Variants in DNAJC6 observed in about 807,000 individuals in gnomAD.
DNAJC6 encodes auxilin.
Under a neutral mutation model 110.0 loss-of-function variants are expected in DNAJC6, and 34 were observed. The ratio of observed to expected loss-of-function variants is 0.31; its 90% CI spans 0.24 to 0.41. The LOEUF is 0.41. Ranked by LOEUF, DNAJC6 falls within the 10% of genes least tolerant of loss-of-function variation. The probability of loss-of-function intolerance (pLI) is 1.00; values close to 1 mark genes in which losing one functional copy is unlikely to be tolerated. For missense variants in DNAJC6, 1,031 were observed against 1,207.8 expected (o/e 0.85, Z 2.17); for synonymous variants, 406 against 437.2 (o/e 0.93, Z 0.89).
chr1:65,339,138 A>G (rs960898101), intron 1 of DNAJC6, among the ~76,000 whole-genome samples: 2 of 152,312 alleles, frequency 1.3e-5, no homozygotes, highest in East Asian at 1.9e-4. Flanking sequence ...TAGAAGCTCA[A>G]TAGATACCTG....
At chr1:65,324,743 C>T (rs1392498575) in intron 1 of DNAJC6, among the ~76,000 whole-genome samples, 1 of 152,206 alleles carries the variant, frequency 6.6e-6, no homozygotes, top group Non-Finnish European at 1.5e-5. Context: ...TCATGCCCTC[C>T]TCCTGGGACA....
intron 1 of DNAJC6, among the ~76,000 whole-genome samples, chr1:65,276,337 T>C (rs1340082468): frequency 6.6e-6 from 1 of 152,252 alleles, no homozygotes; most frequent in Non-Finnish European, 1.5e-5. Context: ...CTTGGTTGTC[T>C]TTCTTCATAT....
chr1:65,411,745 G>T lies in DNAJC6; in HGVS notation c.2811+319G>T, dbSNP rs575452360. On this transcript the variant is annotated intron_variant, in intron 18 of 18. Coordinates refer to ENST00000371069, the MANE Select transcript of DNAJC6 (RefSeq NM_001256864.2). ...GCACTTTGGGGGGGGCAGGGTAGGC[G>T]AATCGCTCGAGCCCTCAAGTTTGAG... 4.6e-5 allele frequency among the ~76,000 whole-genome samples: 7 copies of T among 152,014 alleles called. No individual in the cohort carries two copies. The South Asian group carries it at 1.2e-3, about 27-fold the overall frequency.
At chr1:65,310,619 G>T (rs1232538231) in intron 1 of DNAJC6, among the ~76,000 whole-genome samples, 7 of 152,160 alleles carry the variant, frequency 4.6e-5, no homozygotes, top group Non-Finnish European at 8.8e-5. Context: ...ACCTTTACAT[G>T]TAGGGACAAG....
intron 1 of DNAJC6, among the ~76,000 whole-genome samples, chr1:65,289,404 C>A (rs1483468356): frequency 6.6e-6 from 1 of 152,114 alleles, no homozygotes; most frequent in Non-Finnish European, 1.5e-5. Flanking sequence ...GCCGTGTTGG[C>A]CAAGCTGGTC....
intron 1 of DNAJC6, among the ~76,000 whole-genome samples, chr1:65,343,297 T>C (rs138467118): frequency 6.6e-6 from 1 of 152,308 alleles, no homozygotes; most frequent in East Asian, 1.9e-4. Flanking sequence ...GAAGAGCAGA[T>C]GGAACCACAC....
In DNAJC6 at chr1:65,335,147, C is replaced by T. The variant is rs759055671; in HGVS notation, c.193+25209C>T. ...TTCTTTAAACAGAGTCTCACTCTGT[C>T]GCCAGGCTGGAGTGCAGTGGCACGA... On this transcript the variant is annotated intron_variant, in intron 1 of 18. Transcript: ENST00000371069. 1.0e-4 allele frequency among the ~76,000 whole-genome samples: 15 copies of T among 150,094 alleles called. No homozygotes were observed. The East Asian group carries it at 1.4e-3, about 14-fold the overall frequency.
At chr1:65,298,231 T>C (rs1328947838) in intron 1 of DNAJC6, among the ~76,000 whole-genome samples, 1 of 152,158 alleles carries the variant, frequency 6.6e-6, no homozygotes, top group Non-Finnish European at 1.5e-5. Context: ...TCCATGCTGA[T>C]TTTGAGATCT....
intron 5 of DNAJC6, among the ~76,000 whole-genome samples, chr1:65,379,978 A>C (rs1308505770): frequency 6.6e-6 from 1 of 152,216 alleles, no homozygotes; most frequent in African/African-American, 2.4e-5. Context: ...TCCCAGTGAG[A>C]CTAATGGTTT....
At chr1:65,403,025 TA>T (rs981464335) in intron 15 of DNAJC6, among the ~76,000 whole-genome samples, 1 of 151,802 alleles carries the variant, frequency 6.6e-6, no homozygotes, top group Non-Finnish European at 1.5e-5. Context: ...ACTGTTTTAG[TA>T]AAAAAAATAA....
chr1:65,393,128 C>A (rs1299191711), intron 12 of DNAJC6, among the ~76,000 whole-genome samples: 1 of 152,148 alleles, frequency 6.6e-6, no homozygotes, highest in Admixed American at 6.5e-5. Flanking sequence ...AGCACTTCAA[C>A]CCCTGAGCTG....
intron 1 of DNAJC6, among the ~76,000 whole-genome samples, chr1:65,274,873 A>C (rs568205700): frequency 6.6e-6 from 1 of 152,100 alleles, no homozygotes; most frequent in Non-Finnish European, 1.5e-5. Context: ...TATTCTTTAC[A>C]CATTTGTTTT....
At chr1:65,364,273 A>G (rs768276774) in intron 1 of DNAJC6, among the ~76,000 whole-genome samples, 1 of 151,860 alleles carries the variant, frequency 6.6e-6, no homozygotes, top group Non-Finnish European at 1.5e-5. Flanking sequence ...GATACTTTAC[A>G]TTCTTTTTTT....
chr1:65,362,520 A>G (rs1328095668), intron 1 of DNAJC6, among the ~76,000 whole-genome samples: 1 of 152,228 alleles, frequency 6.6e-6, no homozygotes, highest in Non-Finnish European at 1.5e-5. Context: ...GTGGCATAAT[A>G]GAGTTTAGCT....
intron 1 of DNAJC6, among the ~76,000 whole-genome samples, chr1:65,296,233 C>G (rs780735259): frequency 5.9e-5 from 9 of 152,112 alleles, no homozygotes; most frequent in Non-Finnish European, 8.8e-5. Context: ...GAAAAATGGT[C>G]TGGAGTTTGT....
chr1:65,316,595 C>T (rs1272891434), intron 1 of DNAJC6, among the ~76,000 whole-genome samples: 2 of 152,062 alleles, frequency 1.3e-5, no homozygotes, highest in African/African-American at 4.8e-5. Flanking sequence ...GTTGGATGCA[C>T]AAAAGCATGA....
At chr1:65,331,216 T>C (rs1025878118) in intron 1 of DNAJC6, among the ~76,000 whole-genome samples, 2 of 152,222 alleles carry the variant, frequency 1.3e-5, no homozygotes, top group African/African-American at 4.8e-5. Flanking sequence ...GTTGGTTCTT[T>C]GTAGCCATTG....
chr1:65,387,614 T>C (rs953499115), intron 8 of DNAJC6, among the ~76,000 whole-genome samples: 1 of 152,248 alleles, frequency 6.6e-6, no homozygotes, highest in Non-Finnish European at 1.5e-5. Flanking sequence ...TGTTATAGCA[T>C]GTGTCAGTAC....
intron 4 of DNAJC6, 22 bp downstream of exon 4, chr1:65,366,218 A>C (rs1183673746): frequency 6.2e-7 from 1 of 1,612,754 alleles, no homozygotes; most frequent in Non-Finnish European, 8.5e-7. Context: ...TAGCCCTGAG[A>C]TCATACTGTT....
Sources: gnomAD v4.1 joint callset for allele counts (sites outside exome capture counted in the v4.1 genomes callset) on GRCh38, gnomAD v4.1.1 for gene constraint, MANE v1.5 for transcripts, NCBI Gene and HGNC (gene_info 2026-07-23, HGNC 2026-07-21) for gene names.